The following SDF2 variants were observed in gnomAD, a reference collection of about 807,000 sequenced individuals.
SDF2 encodes stromal cell derived factor 2.
In SDF2, 12 loss-of-function variants were observed where a neutral mutation model predicts 20.5. That is an observed-to-expected ratio of 0.58 (90% CI 0.37 to 0.95). The LOEUF is 0.95. Among genes scored for constraint, SDF2 ranks in the 40% least tolerant of loss-of-function variants. SDF2 has a pLI of 0.01. For synonymous variants in SDF2, 100 were observed against 101.0 expected, an observed-to-expected ratio of 0.99 and a Z score of 0.06; for missense variants, 238 against 263.1, an observed-to-expected ratio of 0.90 and a Z score of 0.66.
At chr17:28,654,156 A>G (rs921202838) in intron 2 of SDF2, among the ~76,000 whole-genome samples, 1 of 152,064 alleles carries the variant, frequency 6.6e-6, no homozygotes, top group Non-Finnish European at 1.5e-5. Context: ...ACCAAAAAAA[A>G]TACAAAAATT....
At chr17:28,662,181 A>G (rs2072062598), upstream of SDF2, 1 of 282,944 alleles carries the variant, frequency 3.5e-6, no homozygotes, top group Non-Finnish European at 6.8e-6. Flanking sequence ...TCCCGGTGAC[A>G]GGGAGCCGGA....
At chr17:28,662,006 C>G, upstream of SDF2, 1 of 1,112,558 alleles carries the variant, frequency 9.0e-7, no homozygotes, top group South Asian at 1.6e-5. Flanking sequence ...GTTTATTTGA[C>G]TAGAGCGGCC....
rs78526691 is a variant in SDF2, at chr17:28,649,682, C to A, written c.349-406G>T. Among the ~76,000 whole-genome samples, 3 of 143,150 alleles carry A rather than the reference C, an allele frequency of 2.1e-5. No individual in the cohort carries two copies. The East Asian group carries it at 6.3e-4, about 30-fold the overall frequency. 93.9% of individuals were successfully genotyped at this position (143,150 alleles called of 152,430 possible). A position where few individuals can be genotyped will look rare whatever the true frequency, so the allele number is the denominator to read the frequency against. ...CCGGGAGGCGGAGGTTGCGGTGAGCCGAGATCACACCATTGCACTCCAGCC... is the reference window on the plus strand; with the variant it reads ...CCGGGAGGCGGAGGTTGCGGTGAGCAGAGATCACACCATTGCACTCCAGCC... On this transcript the variant is annotated intron_variant, in intron 2 of 2. Transcript: ENST00000247020.
At chr17:28,654,688 G>C (rs961293272) in intron 2 of SDF2, among the ~76,000 whole-genome samples, 3 of 151,840 alleles carry the variant, frequency 2.0e-5, no homozygotes, top group Non-Finnish European at 4.4e-5. Context: ...GCGGTGACTT[G>C]CACTTGTAAT....
intron 2 of SDF2, among the ~76,000 whole-genome samples, chr17:28,652,137 T>C (rs948000113): frequency 1.3e-5 from 2 of 151,650 alleles, no homozygotes; most frequent in African/African-American, 4.8e-5. Flanking sequence ...CACCTGTGAG[T>C]AGCCACTGCA....
intron 1 of SDF2, among the ~76,000 whole-genome samples, chr17:28,660,186 C>T (rs1312401537): frequency 6.6e-6 from 1 of 152,168 alleles, no homozygotes; most frequent in South Asian, 2.1e-4. Flanking sequence ...TTGCAGCGAG[C>T]CGAGATCACG....
At chr17:28,660,155 C>T (rs1478519810) in intron 1 of SDF2, among the ~76,000 whole-genome samples, 1 of 152,170 alleles carries the variant, frequency 6.6e-6, no homozygotes, top group Non-Finnish European at 1.5e-5. Flanking sequence ...AGGAGAATCA[C>T]GGGAGCCCCA....
At chr17:28,662,137 G>A (rs960166564), upstream of SDF2, 7 of 388,490 alleles carry the variant, frequency 1.8e-5, no homozygotes, top group Non-Finnish European at 3.3e-5. Flanking sequence ...AAGCTTCCGA[G>A]AGCGGGAGAG....
At chr17:28,657,944 G>A (rs1167479372) in intron 1 of SDF2, 1 of 152,230 alleles carries the variant, frequency 6.6e-6, no homozygotes, top group Non-Finnish European at 1.5e-5. Flanking sequence ...GAGCCCAGGA[G>A]GTCAAGGCTG....
chr17:28,657,147 C>G (rs1202028384), intron 1 of SDF2, among the ~76,000 whole-genome samples: 1 of 152,034 alleles, frequency 6.6e-6, no homozygotes, highest in Non-Finnish European at 1.5e-5. Flanking sequence ...GAATTGCTTG[C>G]ATCCGGGAGG....
chr17:28,659,520 C>G (rs1032072261), intron 1 of SDF2, among the ~76,000 whole-genome samples: 1 of 146,074 alleles, frequency 6.8e-6, no homozygotes, highest in African/African-American at 2.6e-5. Context: ...CAGCCCACTT[C>G]CCAGATGGGG....
At chr17:28,656,478 T>C (rs2071963572) in intron 1 of SDF2, among the ~76,000 whole-genome samples, 1 of 151,920 alleles carries the variant, frequency 6.6e-6, no homozygotes, top group Non-Finnish European at 1.5e-5. Context: ...ATCCCAGCTA[T>C]CTGGGAGGCT....
chr17:28,661,668 G>GC (rs1400884169), intron 1 of SDF2, 58 bp downstream of exon 1: 2 of 1,563,840 alleles, frequency 1.3e-6, no homozygotes, highest in African/African-American at 2.7e-5. Context: ...TATAGGCCCC[G>GC]CCCCTCCAGA....
At chr17:28,651,234 G>T (rs1005261086) in intron 2 of SDF2, among the ~76,000 whole-genome samples, 10 of 152,240 alleles carry the variant, frequency 6.6e-5, no homozygotes, top group Middle Eastern at 3.4e-3. Flanking sequence ...GCTAATTTTG[G>T]TATTTTTTAA....
intron 2 of SDF2, among the ~76,000 whole-genome samples, chr17:28,652,470 C>G (rs546528697): frequency 9.2e-5 from 14 of 152,192 alleles, no homozygotes; most frequent in African/African-American, 3.1e-4. Context: ...GCCACCATGC[C>G]CAGCTAATTT....
rs533398237 is a variant in SDF2 at position 28,651,533 on chromosome 17, G to A, written c.349-2257C>T. ...TCTTCTGTAAATCCTTTGAGCCTTT[G>A]TTTTCTCCTCTATAAAATGATCACA... On this transcript the variant is annotated intron_variant, in intron 2 of 2. Coordinates refer to ENST00000247020, the MANE Select transcript of SDF2 (RefSeq NM_006923.4). 17 of 152,272 alleles carry A rather than the reference G, an allele frequency of 1.1e-4. No individual in the cohort carries two copies. In the South Asian group the frequency reaches 3.3e-3, roughly 30 times the overall value. 9.4% of individuals were successfully genotyped at this position (152,272 alleles called of 1,614,324 possible). A position where few individuals can be genotyped will look rare whatever the true frequency, so the allele number is the denominator to read the frequency against.
chr17:28,654,232 G>T (rs1232863773), intron 2 of SDF2, among the ~76,000 whole-genome samples: 4 of 152,084 alleles, frequency 2.6e-5, no homozygotes, highest in Non-Finnish European at 5.9e-5. Flanking sequence ...AGCCCAGGAG[G>T]CTGAGGCTGC....
chr17:28,651,765 C>A (rs1480047917), intron 2 of SDF2, among the ~76,000 whole-genome samples: 2 of 150,924 alleles, frequency 1.3e-5, no homozygotes, highest in African/African-American at 4.9e-5. Flanking sequence ...TAAAAAATTA[C>A]TGATTATTTC....
intron 1 of SDF2, among the ~76,000 whole-genome samples, chr17:28,659,128 CAA>C (rs1173549973): frequency 2.0e-4 from 25 of 126,066 alleles, no homozygotes; most frequent in South Asian, 2.8e-4. Flanking sequence ...ACATCCCAGA[CAA>C]TGGGCGGCCG....
Sources: gnomAD v4.1 joint callset for allele counts (sites outside exome capture counted in the v4.1 genomes callset) on GRCh38, gnomAD v4.1.1 for gene constraint, MANE v1.5 for transcripts, NCBI Gene and HGNC (gene_info 2026-07-23, HGNC 2026-07-21) for gene names.